Variants in DYM observed in about 807,000 individuals in gnomAD.
The protein encoded by DYM is dymeclin, also known as dyggve-Melchior-Clausen syndrome protein.
A neutral mutation model predicts 93.1 loss-of-function variants in DYM; 78 were observed. The observed-to-expected ratio is 0.84, with a 90% CI of 0.70 to 1.01. The LOEUF (loss-of-function observed/expected upper bound fraction) is 1.01. Ranked by LOEUF, DYM falls within the 50% of genes least tolerant of loss-of-function variation. The pLI, the probability that DYM is intolerant of heterozygous loss-of-function variation, is 0.00. For synonymous variants in DYM, 321 were observed against 319.7 expected (o/e 1.00, Z -0.04); for missense variants, 789 against 845.0 (o/e 0.93, Z 0.82).
At chr18:49,103,530 G>T (rs1484387475) in intron 16 of DYM, among the ~76,000 whole-genome samples, 2 of 152,114 alleles carry the variant, frequency 1.3e-5, no homozygotes, top group Non-Finnish European at 2.9e-5. Flanking sequence ...TTCTTCTAGG[G>T]TTTTTATGGT....
intron 17 of DYM, among the ~76,000 whole-genome samples, chr18:49,087,725 A>G (rs1395075936): frequency 6.6e-6 from 1 of 152,200 alleles, no homozygotes; most frequent in Non-Finnish European, 1.5e-5. Context: ...ACTAGTTTAC[A>G]GTCCCACCAA....
At position 49,097,402 on chromosome 18, in the gene DYM, C is replaced by T; in HGVS notation, c.2025G>A (p.Lys675=). The change falls in exon 17 of 18, where the codon AAG becomes AAA. Residue 675 remains lysine (K), a splice_region_variant and synonymous_variant. Coordinates refer to ENST00000675505, the MANE Select transcript of DYM (RefSeq NM_001353214.3). ...GTGGACATTTCTTTAGCCTTCTTAC[C>T]TTCAGTCTGTCTTTGGGCAGCGCAA... The part of the protein sequence containing the change: ...GVVALPKDRL[K]KFPELKFKYV... The T allele has an allele frequency of 1.9e-6, 3 of 1,613,792 alleles. No individual in the cohort carries two copies. Among genetic ancestry groups the T allele is most frequent in the Non-Finnish European group, 2.5e-6 (3 of 1,179,792 alleles).
intron 17 of DYM, among the ~76,000 whole-genome samples, chr18:49,052,439 A>G (rs1258338249): frequency 6.6e-6 from 1 of 152,252 alleles, no homozygotes; most frequent in African/African-American, 2.4e-5. Context: ...TTAATTTAGC[A>G]CTAAGGACAC....
intron 3 of DYM, among the ~76,000 whole-genome samples, chr18:49,387,659 A>G (rs937125560): frequency 6.6e-6 from 1 of 152,178 alleles, no homozygotes; most frequent in Non-Finnish European, 1.5e-5. Flanking sequence ...TTTTTTTGCA[A>G]CACAGTTATA....
chr18:49,410,071 T>C (rs1406449080), intron 2 of DYM, among the ~76,000 whole-genome samples: 1 of 152,220 alleles, frequency 6.6e-6, no homozygotes, highest in East Asian at 1.9e-4. Flanking sequence ...GGATTTTGTG[T>C]GTGTGTGTTT....
Position 49,258,447 on chromosome 18 carries a change from A to C in DYM, c.1298T>G (p.Ile433Ser), listed in dbSNP as rs2094430032. The change falls in exon 12 of 18, where the codon ATC becomes AGC. Residue 433 changes from isoleucine to serine, a missense_variant. This residue lies in a region of DYM where 225 missense variants were observed against 303.0 expected (regional missense o/e 0.74). Coordinates refer to ENST00000675505, the MANE Select transcript of DYM (RefSeq NM_001353214.3). The part of the protein sequence containing the change: ...TWYSERVLTE[I>S]SLGSLLILVV... ...CAGGATCAGGAGACTCCCCAAGGAG[A>C]TTTCAGTTAAAACTCGTTCTGAATA... 1.2e-5 allele frequency: 20 copies of C among 1,613,664 alleles called. No homozygotes were observed. The highest frequency in any genetic ancestry group is 1.7e-5 in the Non-Finnish European group (20 of 1,179,562).
At chr18:49,208,995 T>C (rs893189197) in intron 14 of DYM, among the ~76,000 whole-genome samples, 1 of 152,242 alleles carries the variant, frequency 6.6e-6, no homozygotes, top group African/African-American at 2.4e-5. Context: ...TCTACATTCA[T>C]CCATGACACA....
chr18:49,261,863 A>G (rs1172340033), intron 11 of DYM, among the ~76,000 whole-genome samples: 1 of 152,194 alleles, frequency 6.6e-6, no homozygotes, highest in East Asian at 1.9e-4. Flanking sequence ...TTTAGTGTGT[A>G]TACTCTAGAC....
chr18:49,354,781 G>A (rs767790453), intron 6 of DYM, among the ~76,000 whole-genome samples: 18 of 152,026 alleles, frequency 1.2e-4, no homozygotes, highest in Non-Finnish European at 2.5e-4. Flanking sequence ...ACCACCAAAC[G>A]CTGACAAGGA....
intron 1 of DYM, among the ~76,000 whole-genome samples, chr18:49,459,918 C>CGGGG (rs573595469): frequency 6.7e-5 from 9 of 133,632 alleles, no homozygotes; most frequent in Non-Finnish European, 9.7e-5. Flanking sequence ...TTCTTTGGGG[C>CGGGG]GGGGGGGGCG....
At chr18:49,195,264 T>G (rs1439572330) in intron 14 of DYM, among the ~76,000 whole-genome samples, 1 of 152,208 alleles carries the variant, frequency 6.6e-6, no homozygotes, top group Non-Finnish European at 1.5e-5. Context: ...TTTTCTCCTT[T>G]TTAGTTGATG....
At chr18:49,307,633 C>T (rs2061346521) in intron 8 of DYM, among the ~76,000 whole-genome samples, 2 of 152,178 alleles carry the variant, frequency 1.3e-5, no homozygotes, top group South Asian at 4.1e-4. Context: ...CAAGAATACT[C>T]CTTTTCACTT....
intron 10 of DYM, among the ~76,000 whole-genome samples, chr18:49,277,584 C>A (rs569343895): frequency 6.6e-6 from 1 of 152,114 alleles, no homozygotes; most frequent in Non-Finnish European, 1.5e-5. Flanking sequence ...GCCCTCATGA[C>A]GGGATTAGTA....
intron 3 of DYM, among the ~76,000 whole-genome samples, chr18:49,383,683 T>C (rs1254220454): frequency 1.3e-5 from 2 of 152,246 alleles, no homozygotes. Context: ...GCCAACATTG[T>C]ATAAACCAGA....
chr18:49,256,528 T>C (rs1287425652), intron 13 of DYM, among the ~76,000 whole-genome samples: 2 of 152,316 alleles, frequency 1.3e-5, no homozygotes, highest in East Asian at 3.9e-4. Context: ...AGACCCACAG[T>C]GGACTTCTAA....
chr18:49,432,805 G>A (rs1423654219), intron 1 of DYM, among the ~76,000 whole-genome samples: 2 of 151,684 alleles, frequency 1.3e-5, no homozygotes, highest in South Asian at 2.1e-4. Context: ...GTAAAGATGG[G>A]GTCTCACTGT....
chr18:49,294,696 C>T (rs753121154), intron 8 of DYM, among the ~76,000 whole-genome samples: 29 of 152,016 alleles, frequency 1.9e-4, no homozygotes, highest in Non-Finnish European at 3.5e-4. Flanking sequence ...TAAGTTACTG[C>T]TTTTTCATAT....
intron 13 of DYM, among the ~76,000 whole-genome samples, chr18:49,236,456 G>T (rs2093865659): frequency 6.7e-6 from 1 of 150,278 alleles, no homozygotes; most frequent in South Asian, 2.1e-4. Flanking sequence ...CTCCAGCCTG[G>T]GCGACAGAGC....
chr18:49,058,177 C>A (rs989804339), intron 17 of DYM, among the ~76,000 whole-genome samples: 1 of 152,150 alleles, frequency 6.6e-6, no homozygotes. Context: ...CAAATCAATG[C>A]CCCAGAAGGC....
Sources: allele counts gnomAD v4.1 joint callset (sites outside exome capture counted in the v4.1 genomes callset), GRCh38; gene constraint gnomAD v4.1.1; regional missense constraint gnomAD v4.1.1; transcripts MANE v1.5; gene names NCBI Gene and HGNC (gene_info 2026-07-23, HGNC 2026-07-21).